MYRIP: variants seen among roughly 807,000 people sequenced by gnomAD.
MYRIP encodes the protein myosin VIIA and Rab interacting protein.
MYRIP carries 49 observed loss-of-function variants against 98.0 expected under a neutral mutation model. The observed-to-expected ratio is 0.50, with a 90% CI of 0.40 to 0.63. The LOEUF is 0.63. MYRIP is among the 30% of genes least tolerant of loss of function. The pLI is 0.00. For synonymous variants in MYRIP, 404 were observed against 409.5 expected (o/e 0.99, Z 0.16); for missense variants, 1,004 against 1,058.2 (o/e 0.95, Z 0.71).
chr3:40,215,123 T>G (rs1952077040), intron 11 of MYRIP, among the ~76,000 whole-genome samples: 1 of 152,216 alleles, frequency 6.6e-6, no homozygotes, highest in Non-Finnish European at 1.5e-5. Context: ...TAGGAAAATC[T>G]TGCACTATAG....
At chr3:40,087,329 C>T (rs1225315389) in intron 3 of MYRIP, among the ~76,000 whole-genome samples, 2 of 152,134 alleles carry the variant, frequency 1.3e-5, no homozygotes, top group Non-Finnish European at 2.9e-5. Context: ...AGGGGCTCAG[C>T]CCTGCCCCTG....
chr3:40,002,435 T>C (rs576911162), intron 2 of MYRIP, among the ~76,000 whole-genome samples: 15 of 152,042 alleles, frequency 9.9e-5, no homozygotes, highest in African/African-American at 3.4e-4. Context: ...CTTGGGAGGC[T>C]GAGGCAGGAG....
rs554047858 is a variant in MYRIP at position 39,872,736 on chromosome 3, A to G, written c.-30-28051A>G. On this transcript the variant is annotated intron_variant, in intron 1 of 16. Transcript: ENST00000302541. Reference sequence around the variant, plus strand: ...CCACATTTTCTTAATCCAGTCTATCATTGTTGGACATTTGGCTTGGTTCCA... The same window carrying G: ...CCACATTTTCTTAATCCAGTCTATCGTTGTTGGACATTTGGCTTGGTTCCA... Among the ~76,000 whole-genome samples, 1,404 of 152,118 alleles carry G rather than the reference A, an allele frequency of 9.2e-3. 26 individuals carry two copies. Among genetic ancestry groups the G allele is most frequent in the African/African-American group, 0.032 (1,325 of 41,480 alleles).
At chr3:40,229,558 G>T (rs755564940) in intron 11 of MYRIP, among the ~76,000 whole-genome samples, 3 of 152,168 alleles carry the variant, frequency 2.0e-5, no homozygotes, top group Non-Finnish European at 4.4e-5. Context: ...CAGTAGTTTC[G>T]CTACCTCATT....
chr3:40,218,618 A>ATATATATATATATTT (rs1952212514), intron 11 of MYRIP, among the ~76,000 whole-genome samples: 5 of 8,868 alleles, frequency 5.6e-4, no homozygotes, highest in African/African-American at 7.1e-4. Context: ...TATTTTATAT[A>ATATATATATATATTT]TATATATATA....
intron 1 of MYRIP, among the ~76,000 whole-genome samples, chr3:39,899,617 G>T (rs1360001278): frequency 6.6e-6 from 1 of 151,646 alleles, no homozygotes; most frequent in Admixed American, 6.6e-5. Flanking sequence ...TGATTTATAG[G>T]GTATATAAAT....
At chr3:40,053,960 C>T (rs1947837465) in intron 3 of MYRIP, among the ~76,000 whole-genome samples, 1 of 152,166 alleles carries the variant, frequency 6.6e-6, no homozygotes, top group South Asian at 2.1e-4. Flanking sequence ...AACACAGCCC[C>T]AACACAGCAT....
intron 11 of MYRIP, among the ~76,000 whole-genome samples, chr3:40,232,672 G>T (rs901342729): frequency 6.6e-6 from 1 of 152,196 alleles, no homozygotes. Flanking sequence ...AAGCAACAGT[G>T]ATCTCCAGCT....
intron 2 of MYRIP, among the ~76,000 whole-genome samples, chr3:40,025,511 T>C (rs1319493836): frequency 6.6e-6 from 1 of 152,198 alleles, no homozygotes; most frequent in African/African-American, 2.4e-5. Flanking sequence ...AAGGTGGGTT[T>C]ACCCTTTGGA....
At chr3:40,031,660 C>T (rs986898425) in intron 2 of MYRIP, among the ~76,000 whole-genome samples, 1 of 152,104 alleles carries the variant, frequency 6.6e-6, no homozygotes, top group African/African-American at 2.4e-5. Context: ...ATGAAGTCTC[C>T]CATAAGAAAT....
intron 3 of MYRIP, chr3:40,071,285 A>C: frequency 1.0e-5 from 8 of 761,944 alleles, no homozygotes; most frequent in Non-Finnish European, 1.3e-5. Context: ...TGGCTGGATC[A>C]GGGGATTCAG....
intron 11 of MYRIP, among the ~76,000 whole-genome samples, chr3:40,210,320 T>G (rs1362025888): frequency 1.3e-5 from 2 of 152,202 alleles, no homozygotes; most frequent in African/African-American, 4.8e-5. Context: ...TACCTTCCAC[T>G]ATCTTTCATC....
intron 12 of MYRIP, among the ~76,000 whole-genome samples, chr3:40,239,430 G>T (rs1297044481): frequency 2.0e-5 from 3 of 147,684 alleles, no homozygotes; most frequent in Non-Finnish European, 2.9e-5. Context: ...CCCAGTAATG[G>T]GATGGCTGGG....
At chr3:40,087,212 T>C (rs1279498258) in intron 3 of MYRIP, among the ~76,000 whole-genome samples, 10 of 152,154 alleles carry the variant, frequency 6.6e-5, no homozygotes, top group Admixed American at 6.5e-4. Flanking sequence ...ACCAGCCCCA[T>C]CTGCCCTTGG....
intron 3 of MYRIP, among the ~76,000 whole-genome samples, chr3:40,128,055 A>G (rs761325570): frequency 6.6e-6 from 1 of 152,176 alleles, no homozygotes; most frequent in Non-Finnish European, 1.5e-5. Context: ...TGAGTGTGTT[A>G]TCAGTGGTTG....
At chr3:40,198,140 G>A (rs1249550701) in intron 10 of MYRIP, among the ~76,000 whole-genome samples, 1 of 152,152 alleles carries the variant, frequency 6.6e-6, no homozygotes, top group African/African-American at 2.4e-5. Flanking sequence ...TGGTACCATG[G>A]CTAGTTCTTC....
chr3:40,168,386 C>T (rs961608219), intron 7 of MYRIP, among the ~76,000 whole-genome samples: 15 of 152,324 alleles, frequency 9.8e-5, no homozygotes, highest in African/African-American at 3.6e-4. Context: ...CGTAAATGTA[C>T]TCAGAACTTG....
chr3:40,111,150 T>C (rs1361401252), intron 3 of MYRIP, among the ~76,000 whole-genome samples: 1 of 152,098 alleles, frequency 6.6e-6, no homozygotes, highest in Non-Finnish European at 1.5e-5. Context: ...TTGCCGGTGG[T>C]CAGGGCTACA....
intron 2 of MYRIP, among the ~76,000 whole-genome samples, chr3:40,037,961 G>T (rs1239082957): frequency 6.6e-6 from 1 of 152,014 alleles, no homozygotes; most frequent in African/African-American, 2.4e-5. Context: ...TATCCATTGA[G>T]ACCTGCCTCA....
Sources: allele counts gnomAD v4.1 joint callset (sites outside exome capture counted in the v4.1 genomes callset), GRCh38; gene constraint gnomAD v4.1.1; transcripts MANE v1.5; gene names NCBI Gene and HGNC (gene_info 2026-07-23, HGNC 2026-07-21).